The following RMC1 variants were observed in gnomAD, a reference collection of about 807,000 sequenced individuals.
The protein encoded by RMC1 is regulator of MON1-CCZ1.
RMC1 carries 44 observed loss-of-function variants against 95.5 expected under a neutral mutation model. That is an observed-to-expected ratio of 0.46 (90% CI 0.36 to 0.59). RMC1 has a LOEUF of 0.59. RMC1 is among the 20% of genes least tolerant of loss of function. RMC1 has a pLI of 0.00. For missense variants in RMC1, 705 were observed against 819.6 expected (o/e 0.86, Z 1.71); for synonymous variants, 320 against 303.6 (o/e 1.05, Z -0.56).
intron 19 of RMC1, 64 bp from the exon 20 acceptor site, chr18:23,531,561 G>T (rs1352231254): frequency 6.3e-6 from 10 of 1,586,256 alleles, no homozygotes; most frequent in Non-Finnish European, 8.6e-6. Context: ...ACACCTACGA[G>T]ATGCTTTCTT....
rs888673582 is a variant in RMC1, at chr18:23,503,542, G to A, written c.-77G>A. The A allele has an allele frequency of 4.6e-6, 5 of 1,083,542 alleles. No homozygotes were observed. In the South Asian group the frequency reaches 5.6e-5, roughly 12 times the overall value. 67.1% of individuals were successfully genotyped at this position (1,083,542 alleles called of 1,614,324 possible). A position where few individuals can be genotyped will look rare whatever the true frequency, so the allele number is the denominator to read the frequency against. The stretch of plus-strand genomic sequence containing the variant: ...GCAGCCGCAGCCGCCGCTACAGTCC[G>A]GGCCGGGCTCCACCGCGCATCCTGC... On this transcript the variant is annotated 5_prime_UTR_variant, in exon 1 of 20. Transcript: ENST00000269221.
intron 1 of RMC1, among the ~76,000 whole-genome samples, chr18:23,504,069 G>A (rs1336240091): frequency 6.6e-6 from 1 of 152,206 alleles, no homozygotes; most frequent in Non-Finnish European, 1.5e-5. Flanking sequence ...CATTTTCCTT[G>A]AAATTTTGTA....
At chr18:23,531,315 A>G in intron 19 of RMC1, 1 of 269,516 alleles carries the variant, frequency 3.7e-6, no homozygotes, top group Non-Finnish European at 6.8e-6. Context: ...ATCTCCAAAT[A>G]GTTATACAAC....
intron 2 of RMC1, among the ~76,000 whole-genome samples, chr18:23,504,912 C>T (rs1420917224): frequency 6.6e-6 from 1 of 152,194 alleles, no homozygotes. Context: ...TGATCAACAG[C>T]AGGGCCTTTC....
chr18:23,522,405 A>T (rs1223909252), intron 10 of RMC1: 1 of 152,232 alleles, frequency 6.6e-6, no homozygotes, highest in African/African-American at 2.4e-5. Flanking sequence ...TGTGGGCCAC[A>T]TGTGGCCCAG....
chr18:23,513,234 G>A (rs192385246), intron 5 of RMC1, among the ~76,000 whole-genome samples: 3 of 152,276 alleles, frequency 2.0e-5, no homozygotes, highest in South Asian at 2.1e-4. Flanking sequence ...GATTACAGGC[G>A]TGAGCCACTG....
In RMC1 at chr18:23,531,764, A is replaced by G; in HGVS notation, c.*60A>G. ...CAAAGTTAATTTATTGCATTAATAA[A>G]GCTCTTTAAACTATAAAATGTTATA... On this transcript the variant is annotated 3_prime_UTR_variant, in exon 20 of 20. Coordinates refer to ENST00000269221, the MANE Select transcript of RMC1 (RefSeq NM_013326.5). 6.3e-7 allele frequency: 1 copy of G among 1,582,682 alleles called. No homozygotes were observed. Among genetic ancestry groups the G allele is most frequent in the Non-Finnish European group, 8.6e-7 (1 of 1,169,486 alleles).
At chr18:23,504,658 G>A (rs1329146769) in intron 2 of RMC1, 1 of 458,694 alleles carries the variant, frequency 2.2e-6, no homozygotes, top group African/African-American at 1.9e-5. Flanking sequence ...GTTGATTTGG[G>A]AGCCAAATAC....
intron 12 of RMC1, among the ~76,000 whole-genome samples, chr18:23,525,049 C>G (rs1031030109): frequency 2.1e-5 from 3 of 143,694 alleles, no homozygotes; most frequent in Admixed American, 1.5e-4. Context: ...CGGGTTCAAG[C>G]GATTCTCCTG....
chr18:23,507,906 G>C (rs1359477376), intron 3 of RMC1, 79 bp from the exon 4 acceptor site: 1 of 1,287,184 alleles, frequency 7.8e-7, no homozygotes. Flanking sequence ...TATTTTTCTT[G>C]TCTTGTAGTA....
At chr18:23,531,025 C>T (rs1037164199) in intron 19 of RMC1, among the ~76,000 whole-genome samples, 14 of 151,888 alleles carry the variant, frequency 9.2e-5, no homozygotes, top group Admixed American at 1.3e-4. Flanking sequence ...GACAGAGTCT[C>T]GCTCCGTTGC....
chr18:23,527,303 G>A (rs1261932981), intron 13 of RMC1, among the ~76,000 whole-genome samples: 2 of 151,534 alleles, frequency 1.3e-5, no homozygotes, highest in African/African-American at 2.4e-5. Flanking sequence ...AGAGGCTGCC[G>A]AGGGAGGATT....
Position 23,520,297 on chromosome 18 carries a change from T to A in RMC1, c.945T>A (p.Tyr315Ter). ...TTCCCGCTCGATCGATCCAGCCCTA[T>A]CAGATCCCCATCACAGGTAACACGG... ...PVLPARSIQP[Y>*]QIPITGPAAV... The change falls in exon 10 of 20, where the codon TAT becomes TAA. Residue 315 changes from tyrosine (Y) to a stop codon, truncating the protein, a stop_gained. Coordinates refer to ENST00000269221, the MANE Select transcript of RMC1 (RefSeq NM_013326.5). LOFTEE classifies it high-confidence loss of function. The A allele has an allele frequency of 6.2e-7, 1 of 1,613,768 alleles. No homozygotes were observed. Among genetic ancestry groups the A allele is most frequent in the Non-Finnish European group, 8.5e-7 (1 of 1,179,718 alleles).
chr18:23,510,748 A>G (rs1445320467), intron 5 of RMC1, among the ~76,000 whole-genome samples: 1 of 152,262 alleles, frequency 6.6e-6, no homozygotes, highest in Non-Finnish European at 1.5e-5. Flanking sequence ...TGATCATTAG[A>G]GAAATGCAAA....
intron 14 of RMC1, chr18:23,528,838 A>G: frequency 5.7e-6 from 1 of 175,368 alleles, no homozygotes; most frequent in Non-Finnish European, 1.2e-5. Context: ...GCAAGTTCTC[A>G]GGCTACACCC....
chr18:23,523,957 C>T (rs115376264), intron 10 of RMC1, among the ~76,000 whole-genome samples, 173 bp from the exon 11 acceptor site: 2 of 152,138 alleles, frequency 1.3e-5, no homozygotes, highest in Non-Finnish European at 2.9e-5. Flanking sequence ...GCTCCTTCCC[C>T]CTTCCTCCCC....
In RMC1 at chr18:23,531,786, T is replaced by C. The variant is rs1436738149; in HGVS notation, c.*82T>C. The C allele has an allele frequency of 6.4e-7, 1 of 1,551,830 alleles. No individual in the cohort carries two copies. Among genetic ancestry groups the C allele is most frequent in the East Asian group, 2.3e-5 (1 of 43,922 alleles). ...TAAAGCTCTTTAAACTATAAAATGT[T>C]ATAAAGTGTATCTACAACCTCAACT... On this transcript the variant is annotated 3_prime_UTR_variant, in exon 20 of 20. Transcript: ENST00000269221.
chr18:23,523,562 A>G (rs533540319), intron 10 of RMC1, among the ~76,000 whole-genome samples: 5 of 149,782 alleles, frequency 3.3e-5, no homozygotes, highest in South Asian at 4.2e-4. Context: ...AAAAAAAAAA[A>G]AAAAAAAGAA....
At chr18:23,513,307 C>G (rs543621684) in intron 5 of RMC1, among the ~76,000 whole-genome samples, 2 of 152,352 alleles carry the variant, frequency 1.3e-5, no homozygotes, top group Non-Finnish European at 2.9e-5. Context: ...GTATTTGTCC[C>G]TTTGTGACTG....
Sources: allele counts gnomAD v4.1 joint callset (sites outside exome capture counted in the v4.1 genomes callset), GRCh38; gene constraint gnomAD v4.1.1; transcripts MANE v1.5; gene names NCBI Gene and HGNC (gene_info 2026-07-23, HGNC 2026-07-21).